RIC1: variants seen among roughly 807,000 people sequenced by gnomAD.
RIC1 encodes the protein guanine nucleotide exchange factor subunit RIC1.
Under a neutral mutation model 169.0 loss-of-function variants are expected in RIC1, and 88 were observed. The ratio of observed to expected loss-of-function variants is 0.52; its 90% CI spans 0.44 to 0.62. RIC1 has a LOEUF of 0.62. Ranked by LOEUF, RIC1 falls within the 20% of genes least tolerant of loss-of-function variation. The probability of loss-of-function intolerance (pLI) is 0.00; values close to 1 mark genes in which losing one functional copy is unlikely to be tolerated. For synonymous variants in RIC1, 790 were observed against 601.5 expected (o/e 1.31, Z -4.59); for missense variants, 1,877 against 1,725.5 (o/e 1.09, Z -1.56).
Position 5,656,663 on chromosome 9 carries a change from GC to G in RIC1, c.227del (p.Pro76GlnfsTer5). On this transcript the variant is annotated frameshift_variant, in exon 2 of 26. Coordinates refer to ENST00000414202, the MANE Select transcript of RIC1 (RefSeq NM_020829.4). LOFTEE classifies it high-confidence loss of function. ...FGSYKQAEWR[P>X]DSTMIAVSTA... Reference sequence around the variant, plus strand: ...GATCCTACAAGCAAGCTGAATGGAGGCCAGATAGTACCATGATAGCTGTATC... The same window carrying G: ...GATCCTACAAGCAAGCTGAATGGAGGCAGATAGTACCATGATAGCTGTATC... The G allele has an allele frequency of 6.2e-7, 1 of 1,607,752 alleles. No homozygotes were observed. The highest frequency in any genetic ancestry group is 8.5e-7 in the Non-Finnish European group (1 of 1,175,644).
intron 1 of RIC1, among the ~76,000 whole-genome samples, chr9:5,633,217 G>A (rs560425396): frequency 6.6e-6 from 1 of 152,286 alleles, no homozygotes; most frequent in African/African-American, 2.4e-5. Flanking sequence ...AAAGAACCAA[G>A]CTTTGGATCA....
chr9:5,645,922 C>G (rs1247801626), intron 1 of RIC1, among the ~76,000 whole-genome samples: 1 of 150,174 alleles, frequency 6.7e-6, no homozygotes, highest in Non-Finnish European at 1.5e-5. Context: ...AGAAGTGGAC[C>G]TGCTGTTTCA....
chr9:5,683,634 C>G (rs1394393210), intron 2 of RIC1, among the ~76,000 whole-genome samples: 2 of 152,208 alleles, frequency 1.3e-5, no homozygotes, highest in South Asian at 4.1e-4. Flanking sequence ...TCTCAGATCT[C>G]AAGCTGTGTG....
At chr9:5,698,700 A>G (rs557118315) in intron 3 of RIC1, among the ~76,000 whole-genome samples, 24 of 152,322 alleles carry the variant, frequency 1.6e-4, no homozygotes, top group African/African-American at 4.6e-4. Context: ...GACTTTGGAA[A>G]AGCCATTTTC....
intron 3 of RIC1, among the ~76,000 whole-genome samples, chr9:5,692,900 A>G (rs976743488): frequency 5.1e-4 from 78 of 152,202 alleles, no homozygotes; most frequent in African/African-American, 1.7e-3. Flanking sequence ...TGAGGTAGTT[A>G]GGTATAACTG....
chr9:5,765,494 T>C lies in RIC1; in HGVS notation c.2922T>C (p.Leu974=), dbSNP rs1405311865. The change falls in exon 20 of 26, where the codon CTT becomes CTC. Residue 974 remains leucine, a synonymous_variant. Transcript: ENST00000414202. ...NTALEQGKWD[L]CRHMIRFLKA... ...CACTAGAACAAGGCAAGTGGGACCTTTGTCGACACATGATTCGATTTCTTA... is the reference window on the plus strand; with the variant it reads ...CACTAGAACAAGGCAAGTGGGACCTCTGTCGACACATGATTCGATTTCTTA... The C allele has an allele frequency of 6.8e-6, 11 of 1,614,030 alleles. No individual in the cohort carries two copies. The highest frequency in any genetic ancestry group is 1.3e-5 in the African/African-American group (1 of 74,930).
intron 4 of RIC1, among the ~76,000 whole-genome samples, chr9:5,716,099 C>T (rs186717278): frequency 2.6e-5 from 4 of 152,154 alleles, no homozygotes; most frequent in African/African-American, 9.6e-5. Flanking sequence ...CCTCCTTGGC[C>T]TCTCAAAGTG....
At chr9:5,764,241 A>G (rs1174120546) in intron 19 of RIC1, among the ~76,000 whole-genome samples, 1 of 152,220 alleles carries the variant, frequency 6.6e-6, no homozygotes, top group African/African-American at 2.4e-5. Flanking sequence ...ATTATTTGAG[A>G]TATTAGTGAG....
At position 5,774,389 on chromosome 9, in the gene RIC1, C is replaced by G. The variant is rs1476845650; in HGVS notation, c.*143C>G. ...ATTAGTAGATTTTAACTAATTCTTT[C>G]TTGTCTAAGAAATCTTTTTGACTCC... On this transcript the variant is annotated 3_prime_UTR_variant, in exon 26 of 26. Transcript: ENST00000414202. The G allele has an allele frequency of 4.7e-6, 3 of 635,286 alleles. No individual in the cohort carries two copies. Among genetic ancestry groups the G allele is most frequent in the South Asian group, 5.0e-5 (1 of 19,956 alleles). 39.4% of individuals were successfully genotyped at this position (635,286 alleles called of 1,614,324 possible).
rs75933450 is a variant in RIC1, at chr9:5,706,341, A to G, written c.333-7555A>G. Among the ~76,000 whole-genome samples the G allele has an allele frequency of 9.2e-5, 14 of 152,278 alleles. No homozygotes were observed. In the East Asian group the frequency reaches 1.9e-3, roughly 21 times the overall value. On this transcript the variant is annotated intron_variant, in intron 3 of 25. Coordinates refer to ENST00000414202, the MANE Select transcript of RIC1 (RefSeq NM_020829.4). ...GTGGCACATGCCTGTAATCCCAGGTACTCGGGAGGCTAAGGCAGGAGAATT... is the reference window on the plus strand; with the variant it reads ...GTGGCACATGCCTGTAATCCCAGGTGCTCGGGAGGCTAAGGCAGGAGAATT...
intron 2 of RIC1, among the ~76,000 whole-genome samples, chr9:5,657,095 G>A (rs911987907): frequency 5.9e-5 from 9 of 152,146 alleles, no homozygotes; most frequent in Non-Finnish European, 8.8e-5. Context: ...TCACTTTACT[G>A]TTTTGTCCTT....
intron 2 of RIC1, 102 bp downstream of exon 2, chr9:5,656,792 TA>T: frequency 1.5e-6 from 1 of 670,986 alleles, no homozygotes; most frequent in East Asian, 2.6e-5. Context: ...TTTGCACTCA[TA>T]AGTATTTATT....
chr9:5,693,605 T>C (rs1293528005), intron 3 of RIC1, among the ~76,000 whole-genome samples: 2 of 152,206 alleles, frequency 1.3e-5, no homozygotes, highest in African/African-American at 4.8e-5. Flanking sequence ...GTCTGGACAT[T>C]TTATTTTATG....
At chr9:5,720,439 C>G (rs899398031) in intron 5 of RIC1, 115 bp downstream of exon 5, 2 of 1,216,804 alleles carry the variant, frequency 1.6e-6, no homozygotes, top group African/African-American at 3.1e-5. Context: ...GAGAGGTGGG[C>G]AGAGTATGAG....
chr9:5,649,318 T>G (rs1440593482), intron 1 of RIC1, among the ~76,000 whole-genome samples: 1 of 152,186 alleles, frequency 6.6e-6, no homozygotes, highest in African/African-American at 2.4e-5. Flanking sequence ...TGTCTTTGCC[T>G]TCTGTAACAC....
chr9:5,707,932 T>G (rs916383733), intron 3 of RIC1, among the ~76,000 whole-genome samples: 1 of 152,182 alleles, frequency 6.6e-6, no homozygotes, highest in African/African-American at 2.4e-5. Flanking sequence ...CTATTATGTC[T>G]GTATCTTTTT....
intron 2 of RIC1, 25 bp downstream of exon 2, chr9:5,656,715 G>C (rs1317137650): frequency 7.6e-7 from 1 of 1,318,268 alleles, no homozygotes; most frequent in East Asian, 2.3e-5. Flanking sequence ...CCGCTAAATA[G>C]TGTTTTCTTA....
intron 2 of RIC1, 91 bp downstream of exon 2, chr9:5,656,781 T>G: frequency 4.1e-6 from 3 of 736,446 alleles, no homozygotes; most frequent in South Asian, 3.7e-5. Flanking sequence ...TCTTTCAGTC[T>G]TTTGCACTCA....
Position 5,770,123 on chromosome 9 carries a change from C to G in RIC1, c.3461C>G (p.Pro1154Arg), listed in dbSNP as rs1350402245. 1 of 1,613,282 alleles carries G rather than the reference C, an allele frequency of 6.2e-7. No homozygotes were observed. The highest frequency in any genetic ancestry group is 1.3e-5 in the African/African-American group (1 of 74,880). ...CTGTTAAAGTCTCAATCAGCTGACC[C>G]ATTTTTGAACCTTGAGATGGATGCT... Reference protein sequence around the residue: ...EQLLKSQSADPFLNLEMDAGI... With the variant: ...EQLLKSQSADRFLNLEMDAGI... The change falls in exon 23 of 26, where the codon CCA becomes CGA. Residue 1154 changes from proline to arginine, a missense_variant. Pro to Arg is a moderately radical substitution (Grantham distance 103). This residue lies in a region of RIC1 where 681 missense variants were observed against 582.0 expected (regional missense o/e 1.17). Coordinates refer to ENST00000414202, the MANE Select transcript of RIC1 (RefSeq NM_020829.4).
Sources: allele counts gnomAD v4.1 joint callset (sites outside exome capture counted in the v4.1 genomes callset), GRCh38; gene constraint gnomAD v4.1.1; regional missense constraint gnomAD v4.1.1; transcripts MANE v1.5; gene names NCBI Gene and HGNC (gene_info 2026-07-23, HGNC 2026-07-21).